The following PASD1 variants were observed in gnomAD, a reference collection of about 807,000 sequenced individuals.
PASD1 encodes circadian clock protein PASD1.
A neutral mutation model predicts 58.8 loss-of-function variants in PASD1; 13 were observed. The ratio of observed to expected loss-of-function variants is 0.22; its 90% CI spans 0.14 to 0.35. The LOEUF (loss-of-function observed/expected upper bound fraction) is 0.35. Among genes scored for constraint, PASD1 ranks in the 10% least tolerant of loss-of-function variants. The pLI is 1.00. For missense variants in PASD1, 734 were observed against 568.3 expected (o/e 1.29, Z -2.96); for synonymous variants, 236 against 216.7 (o/e 1.09, Z -0.78).
In PASD1 at chrX:151,604,633, T is replaced by A. The variant is rs2013462147; in HGVS notation, c.29-13T>A. 1.5e-5 allele frequency: 17 copies of A among 1,171,961 alleles called. No homozygotes were observed. The East Asian group carries it at 5.1e-4, about 35-fold the overall frequency. On this transcript the variant is annotated splice_polypyrimidine_tract_variant and intron_variant, in intron 2 of 15. Transcript: ENST00000370357. ...GTGACACTGTTCTGTACTTTCTTCC[T>A]TTTTCTAAAAAGACAAAGTCAATCC...
rs1675484313 is a variant in PASD1, at chrX:151,625,484, G to A, written c.583G>A (p.Val195Ile). The change falls in exon 8 of 16, where the codon GTA becomes ATA. Residue 195 changes from valine (V) to isoleucine (I), a missense_variant. Coordinates refer to ENST00000370357, the MANE Select transcript of PASD1 (RefSeq NM_173493.3). ...YTSKAVSDEA[V>I]LTQDSDEEPF... Reference sequence around the variant, plus strand: ...TTCAAAGGCAGTCAGTGATGAAGCTGTACTTACACAAGATTCAGATGAGGA... The same window carrying A: ...TTCAAAGGCAGTCAGTGATGAAGCTATACTTACACAAGATTCAGATGAGGA... 2 of 1,208,240 alleles carry A rather than the reference G, an allele frequency of 1.7e-6. No individual in the cohort carries two copies. Among genetic ancestry groups the A allele is most frequent in the Admixed American group, 2.2e-5 (1 of 45,592 alleles).
rs147020698 is a variant in PASD1, at chrX:151,629,987, A to G, written c.629+4457A>G. Among the ~76,000 whole-genome samples the G allele has an allele frequency of 2.7e-3, 301 of 111,857 alleles. 8 individuals carry two copies. The East Asian group carries it at 0.065, about 24-fold the overall frequency. ...TGCCGTAATCTTCATAAGATACATA[A>G]TAAAAGTGTTTTCTGAAGGCTTAAA... is the stretch of plus-strand genomic sequence containing the variant. On this transcript the variant is annotated intron_variant, in intron 8 of 15. Coordinates refer to ENST00000370357, the MANE Select transcript of PASD1 (RefSeq NM_173493.3).
chrX:151,572,440 C>A (rs2012940098), intron 1 of PASD1, among the ~76,000 whole-genome samples: 1 of 111,947 alleles, frequency 8.9e-6, no homozygotes, highest in Non-Finnish European at 1.9e-5. Flanking sequence ...AAACTGTATT[C>A]TTTCTTCCTT....
chrX:151,595,383 T>C (rs1207386323), intron 1 of PASD1, among the ~76,000 whole-genome samples: 1 of 111,095 alleles, frequency 9.0e-6, no homozygotes, highest in Non-Finnish European at 1.9e-5. Context: ...ATACCATTTG[T>C]TCTCTCCCTG....
chrX:151,619,262 A>G (rs1304804865), intron 4 of PASD1, among the ~76,000 whole-genome samples: 4 of 111,925 alleles, frequency 3.6e-5, no homozygotes, highest in East Asian at 5.6e-4. Flanking sequence ...GGTGGTTGCC[A>G]TTACTGATAT....
chrX:151,661,576 T>C (rs982044479), intron 10 of PASD1, among the ~76,000 whole-genome samples: 3 of 112,594 alleles, frequency 2.7e-5, no homozygotes, highest in African/African-American at 9.7e-5. Flanking sequence ...ATAACCACAG[T>C]ACAGCTGGCA....
In PASD1 at chrX:151,564,232, C is replaced by T. The variant is rs1208222295; in HGVS notation, c.-28+393C>T. ...TGAGCGGGCGGTTCGGGTGAGAACGCCAGGCTCTGTCCGGCAGGTCTGGGG... is the reference window on the plus strand; with the variant it reads ...TGAGCGGGCGGTTCGGGTGAGAACGTCAGGCTCTGTCCGGCAGGTCTGGGG... On this transcript the variant is annotated intron_variant, in intron 1 of 15. Transcript: ENST00000370357. Among the ~76,000 whole-genome samples the T allele has an allele frequency of 2.2e-4, 25 of 112,757 alleles. No individual in the cohort carries two copies. The Admixed American group carries it at 2.3e-3, about 10-fold the overall frequency.
At chrX:151,581,556 T>G (rs1324056830) in intron 1 of PASD1, among the ~76,000 whole-genome samples, 2 of 111,361 alleles carry the variant, frequency 1.8e-5, no homozygotes, top group Non-Finnish European at 3.8e-5. Context: ...ACCACTGCAC[T>G]CCAGCCTGAG....
chrX:151,615,991 G>A (rs1247228082), intron 4 of PASD1, among the ~76,000 whole-genome samples: 2 of 112,040 alleles, frequency 1.8e-5, no homozygotes, highest in East Asian at 2.8e-4. Flanking sequence ...TTCAGACAGA[G>A]GAGGAAGCTT....
chrX:151,621,033 T>G lies in PASD1; in HGVS notation c.307+4T>G, dbSNP rs1195207074. 3.5e-6 allele frequency: 4 copies of G among 1,145,294 alleles called. No homozygotes were observed. In the Admixed American group the frequency reaches 9.1e-5, roughly 26 times the overall value. 94.4% of individuals were successfully genotyped at this position (1,145,294 alleles called of 1,213,427 possible). A position where few individuals can be genotyped will look rare whatever the true frequency, so the allele number is the denominator to read the frequency against. On this transcript the variant is annotated splice_donor_region_variant and intron_variant, in intron 5 of 15. Coordinates refer to ENST00000370357, the MANE Select transcript of PASD1 (RefSeq NM_173493.3). Reference sequence around the variant, plus strand: ...AAATTTCCTTTACTAAACTCAGGTATGTATATTTTTAAAAGTAGTAAATTC... The same window carrying G: ...AAATTTCCTTTACTAAACTCAGGTAGGTATATTTTTAAAAGTAGTAAATTC...
intron 11 of PASD1, among the ~76,000 whole-genome samples, chrX:151,669,869 CT>C (rs2014441842): frequency 9.0e-6 from 1 of 111,630 alleles, no homozygotes; most frequent in Non-Finnish European, 1.9e-5. Flanking sequence ...GTGCAGATAC[CT>C]TTTTGATCTA....
chrX:151,632,400 T>C (rs781543404), intron 8 of PASD1, among the ~76,000 whole-genome samples: 15 of 111,129 alleles, frequency 1.3e-4, no homozygotes, highest in East Asian at 5.7e-4. Flanking sequence ...CAGAAGCATA[T>C]GTTTGAGAAA....
intron 7 of PASD1, among the ~76,000 whole-genome samples, chrX:151,623,334 C>T (rs1196593987): frequency 2.7e-5 from 3 of 111,528 alleles, no homozygotes; most frequent in African/African-American, 9.8e-5. Context: ...AATGTAGGTG[C>T]TGGGGACTGG....
At chrX:151,620,237 G>C in intron 4 of PASD1, among the ~76,000 whole-genome samples, 1 of 111,826 alleles carries the variant, frequency 8.9e-6, no homozygotes, top group East Asian at 2.8e-4. Flanking sequence ...CCAGTTGAGA[G>C]GGAAAGAAAA....
At chrX:151,602,917 T>C (rs2013438165) in intron 2 of PASD1, among the ~76,000 whole-genome samples, 1 of 112,308 alleles carries the variant, frequency 8.9e-6, no homozygotes, top group Non-Finnish European at 1.9e-5. Context: ...TGTTTCATGT[T>C]GCACTTACTG....
At chrX:151,671,939 A>G (rs146567595) in intron 13 of PASD1, among the ~76,000 whole-genome samples, 160 bp downstream of exon 13, 2,416 of 112,416 alleles carry the variant, frequency 0.021, 66 homozygotes, top group African/African-American at 0.074. Context: ...ACCTGAATGC[A>G]CATGCTAGAC....
chrX:151,615,761 G>A (rs949633286), intron 4 of PASD1, among the ~76,000 whole-genome samples: 3 of 112,140 alleles, frequency 2.7e-5, no homozygotes, highest in Non-Finnish European at 3.8e-5. Context: ...CTTGGTCTTC[G>A]GAATCAAATA....
intron 7 of PASD1, among the ~76,000 whole-genome samples, chrX:151,623,713 G>C (rs946499072): frequency 1.8e-5 from 2 of 111,514 alleles, no homozygotes; most frequent in Non-Finnish European, 3.8e-5. Context: ...TGCGGGTGGG[G>C]AGTTCAGACA....
At chrX:151,585,838 T>C (rs1395418423) in intron 1 of PASD1, among the ~76,000 whole-genome samples, 1 of 112,217 alleles carries the variant, frequency 8.9e-6, no homozygotes, top group Non-Finnish European at 1.9e-5. Context: ...AGGATTGTTA[T>C]ACAATAAATG....
Sources: gnomAD v4.1 joint callset for allele counts (sites outside exome capture counted in the v4.1 genomes callset) on GRCh38, gnomAD v4.1.1 for gene constraint, MANE v1.5 for transcripts, NCBI Gene and HGNC (gene_info 2026-07-23, HGNC 2026-07-21) for gene names.